The following ELAVL2 variants were observed in gnomAD, a reference collection of about 807,000 sequenced individuals.
The protein encoded by ELAVL2 is ELAV like RNA binding protein 2, also known as ELAV-like protein 2.
ELAVL2 carries 4 observed loss-of-function variants against 34.6 expected under a neutral mutation model. The observed-to-expected ratio is 0.12, with a 90% confidence interval of 0.06 to 0.26. The LOEUF (loss-of-function observed/expected upper bound fraction) is 0.26, where lower values mean the gene tolerates loss of function less well. ELAVL2 is among the 10% of genes least tolerant of loss of function. The pLI, the probability that ELAVL2 is intolerant of heterozygous loss-of-function variation, is 1.00. For missense variants in ELAVL2, 432 were observed against 442.8 expected, an observed-to-expected ratio of 0.98 and a Z score of 0.22; for synonymous variants, 193 against 154.8, an observed-to-expected ratio of 1.25 and a Z score of -1.83.
chr9:23,735,517 G>T (rs1008539884), intron 2 of ELAVL2: 1 of 152,244 alleles, frequency 6.6e-6, no homozygotes, highest in African/African-American at 2.4e-5. Flanking sequence ...GGCTTCAACT[G>T]ATCTGCCAAC....
At chr9:23,756,191 A>C (rs2053521017) in intron 2 of ELAVL2, among the ~76,000 whole-genome samples, 1 of 152,168 alleles carries the variant, frequency 6.6e-6, no homozygotes, top group South Asian at 2.1e-4. Context: ...AAGCAGAGAC[A>C]CAAGATAAAC....
At chr9:23,749,206 C>A (rs1192617814) in intron 2 of ELAVL2, among the ~76,000 whole-genome samples, 2 of 151,818 alleles carry the variant, frequency 1.3e-5, no homozygotes, top group African/African-American at 4.8e-5. Context: ...CACGTGTGCA[C>A]CAGCCATTTA....
At chr9:23,718,060 A>G (rs939725736) in intron 3 of ELAVL2, among the ~76,000 whole-genome samples, 48 of 152,186 alleles carry the variant, frequency 3.2e-4, no homozygotes, top group African/African-American at 1.2e-3. Context: ...ACAAACTTGG[A>G]GACAGGCCTA....
chr9:23,839,101 G>A, the ELAVL2 span, among the ~76,000 whole-genome samples: 1 of 151,994 alleles, frequency 6.6e-6, no homozygotes, highest in Non-Finnish European at 1.5e-5. Flanking sequence ...TATCTAACAA[G>A]TATTATTTAT....
At chr9:23,849,578 T>A in the ELAVL2 span, 1 of 152,256 alleles carries the variant, frequency 6.6e-6, no homozygotes, top group Non-Finnish European at 1.5e-5. Flanking sequence ...TGCAAGGTTC[T>A]TTTGAAACCA....
intron 1 of ELAVL2, among the ~76,000 whole-genome samples, chr9:23,786,891 C>G (rs1185767166): frequency 6.6e-6 from 1 of 150,914 alleles, no homozygotes; most frequent in African/African-American, 2.4e-5. Context: ...CTTTTCTATT[C>G]AAAGAAGTTC....
chr9:23,721,890 T>C (rs1316503867), intron 3 of ELAVL2, among the ~76,000 whole-genome samples: 2 of 152,258 alleles, frequency 1.3e-5, no homozygotes, highest in African/African-American at 2.4e-5. Context: ...TAACTGTTTA[T>C]GTTATCAGTA....
intron 2 of ELAVL2, among the ~76,000 whole-genome samples, chr9:23,733,265 T>C (rs2047045337): frequency 1.3e-5 from 2 of 151,976 alleles, no homozygotes. Flanking sequence ...TATGTGTGTT[T>C]GTGTCTGTAT....
chr9:23,820,911 T>A (rs1332706019), intron 1 of ELAVL2, among the ~76,000 whole-genome samples: 4 of 152,046 alleles, frequency 2.6e-5, no homozygotes, highest in Non-Finnish European at 5.9e-5. Context: ...AGCTGCGACC[T>A]CGCGCGGCTG....
At chr9:23,733,040 C>T (rs75358113) in intron 2 of ELAVL2, among the ~76,000 whole-genome samples, 1,610 of 151,844 alleles carry the variant, frequency 0.011, 24 homozygotes, top group African/African-American at 0.036. Flanking sequence ...TATTCTATGA[C>T]AAAATAAATC....
intron 2 of ELAVL2, among the ~76,000 whole-genome samples, 195 bp downstream of exon 2, chr9:23,761,811 T>C (rs1301632917): frequency 6.6e-6 from 1 of 152,036 alleles, no homozygotes; most frequent in Non-Finnish European, 1.5e-5. Flanking sequence ...TTAAAATATA[T>C]ACTGCCCCCA....
chr9:23,712,303 T>C lies in ELAVL2; in HGVS notation c.334-7232A>G, dbSNP rs10966036. ...AGCTGCAACACAGTCTTCAAAATCA[T>C]AAAATCTTCCTGTGAAATGACAGTG... On this transcript the variant is annotated intron_variant, in intron 3 of 6. Coordinates refer to ENST00000397312, the MANE Select transcript of ELAVL2 (RefSeq NM_004432.5). Among the ~76,000 whole-genome samples the C allele has an allele frequency of 3.8e-4, 58 of 152,254 alleles. 1 individual carries two copies. The East Asian group carries it at 0.011, about 28-fold the overall frequency.
At chr9:23,802,581 C>A (rs1483391514) in intron 1 of ELAVL2, among the ~76,000 whole-genome samples, 5 of 152,194 alleles carry the variant, frequency 3.3e-5, no homozygotes, top group East Asian at 1.9e-4. Flanking sequence ...CCTAGCCCTG[C>A]CTTCCAAGAA....
In ELAVL2 at chr9:23,692,900, G is replaced by T; in HGVS notation, c.753-16C>A. 1 of 1,608,778 alleles carries T rather than the reference G, an allele frequency of 6.2e-7. No homozygotes were observed. The highest frequency in any genetic ancestry group is 8.5e-7 in the Non-Finnish European group (1 of 1,176,282). On this transcript the variant is annotated splice_polypyrimidine_tract_variant and intron_variant, in intron 6 of 6. Transcript: ENST00000397312. ...TGGAGAAAACCTGCTAAACAGAATA[G>T]GAAATACACACATACACACAAAAAA...
At chr9:23,768,228 A>ACT (rs2056683509) in intron 1 of ELAVL2, among the ~76,000 whole-genome samples, 1 of 151,886 alleles carries the variant, frequency 6.6e-6, no homozygotes, top group African/African-American at 2.4e-5. Flanking sequence ...GATCTGAACT[A>ACT]CTCCTTGTCC....
At chr9:23,785,826 G>C (rs1027501459) in intron 1 of ELAVL2, among the ~76,000 whole-genome samples, 5 of 152,210 alleles carry the variant, frequency 3.3e-5, no homozygotes, top group East Asian at 3.8e-4. Context: ...TGATCGGTTT[G>C]ATAGAGGAAG....
rs774198506 is a variant in ELAVL2, at chr9:23,701,381, A to T, written c.711T>A (p.Phe237Leu). 6.2e-7 allele frequency: 1 copy of T among 1,613,996 alleles called. No homozygotes were observed. The highest frequency in any genetic ancestry group is 8.5e-7 in the Non-Finnish European group (1 of 1,179,882). Residue 237 changes from phenylalanine to leucine, a missense_variant and splice_region_variant, in exon 5 of 7, where the codon TTT becomes TTA. By Grantham distance (22) the Phe-to-Leu change is conservative (BLOSUM62 0). Transcript: ENST00000397312. ...CACAAGAACCAAACCAGACTTACCT[A>T]AAACGCTGTGCCTGCTGAGCTAGCG... The part of the protein sequence containing the change: ...PGPLAQQAQR[F>L]RLDNLLNMAY...
chr9:23,744,406 AT>A (rs2050017161), intron 2 of ELAVL2, among the ~76,000 whole-genome samples: 1 of 152,126 alleles, frequency 6.6e-6, no homozygotes, highest in Non-Finnish European at 1.5e-5. Context: ...GAGTTTTCCT[AT>A]TTTGTTGCTG....
chr9:23,796,925 T>A (rs530410510), intron 1 of ELAVL2, among the ~76,000 whole-genome samples: 2 of 152,288 alleles, frequency 1.3e-5, no homozygotes, highest in East Asian at 3.9e-4. Context: ...TTCCAAATAG[T>A]AAGGATGCAT....
Sources: gnomAD v4.1 joint callset for allele counts (sites outside exome capture counted in the v4.1 genomes callset) on GRCh38, gnomAD v4.1.1 for gene constraint, MANE v1.5 for transcripts, NCBI Gene and HGNC (gene_info 2026-07-23, HGNC 2026-07-21) for gene names.